The following DDX43 variants were observed in gnomAD, a reference collection of about 807,000 sequenced individuals.
The protein encoded by DDX43 is DEAD-box helicase 43.
DDX43 carries 50 observed loss-of-function variants against 84.9 expected under a neutral mutation model. The observed-to-expected ratio is 0.59, with a 90% CI of 0.47 to 0.75. The LOEUF is 0.75. Among genes scored for constraint, DDX43 ranks in the 30% least tolerant of loss-of-function variants. The probability of loss-of-function intolerance (pLI) is 0.00; values close to 1 mark genes in which losing one functional copy is unlikely to be tolerated. For synonymous variants in DDX43, 291 were observed against 266.3 expected, an observed-to-expected ratio of 1.09 and a Z score of -0.90; for missense variants, 689 against 798.6, an observed-to-expected ratio of 0.86 and a Z score of 1.65.
chr6:73,415,446 T>G (rs1480187394), intron 14 of DDX43, 51 bp from the exon 15 acceptor site: 1 of 1,316,142 alleles, frequency 7.6e-7, no homozygotes, highest in African/African-American at 1.5e-5. Context: ...TTTGTCTTAT[T>G]CTGTATTAAC....
At position 73,397,759 on chromosome 6, in the gene DDX43, T is replaced by G. The variant is rs967152253; in HGVS notation, c.306+15T>G. The G allele has an allele frequency of 1.2e-6, 2 of 1,612,034 alleles. No individual in the cohort carries two copies. The highest frequency in any genetic ancestry group is 1.7e-5 in the Admixed American group (1 of 59,970). On this transcript the variant is annotated intron_variant, in intron 2 of 16. Transcript: ENST00000370336. ...CCACAATCCAAGTAAGCCATCTGTG[T>G]TTTTCGGCCCTTAAGAGAGCATCAT...
chr6:73,413,533 C>A, intron 11 of DDX43, 125 bp from the exon 12 acceptor site: 1 of 898,668 alleles, frequency 1.1e-6, no homozygotes, highest in South Asian at 2.4e-5. Flanking sequence ...GGACGTCTGC[C>A]ATTTTGCTTA....
At chr6:73,410,518 C>T (rs938176774) in intron 10 of DDX43, among the ~76,000 whole-genome samples, 1 of 151,994 alleles carries the variant, frequency 6.6e-6, no homozygotes, top group African/African-American at 2.4e-5. Flanking sequence ...ACAAAGTGGT[C>T]ACTTTCATTA....
At chr6:73,406,513 T>C (rs1169494202) in intron 7 of DDX43, 31 bp downstream of exon 7, 2 of 1,389,658 alleles carry the variant, frequency 1.4e-6, no homozygotes, top group South Asian at 1.2e-5. Context: ...TTTCTTCTTA[T>C]AGAGGTTTAA....
In DDX43 at chr6:73,407,492, T is replaced by C. The variant is rs769165990; in HGVS notation, c.927-13T>C. On this transcript the variant is annotated splice_polypyrimidine_tract_variant and intron_variant, in intron 7 of 16. Transcript: ENST00000370336. ...GACAAGTAATTTAATATTAATCTGT[T>C]TTCTCTCCAAAGCCTTAAAGGTCAA... 6 of 1,549,070 alleles carry C rather than the reference T, an allele frequency of 3.9e-6. No individual in the cohort carries two copies. Among genetic ancestry groups the C allele is most frequent in the Non-Finnish European group, 5.3e-6 (6 of 1,125,036 alleles).
rs545701161 is a variant in DDX43, at chr6:73,395,086, G to A, written c.181G>A (p.Val61Met). The A allele has an allele frequency of 3.2e-5, 52 of 1,614,058 alleles. No individual in the cohort carries two copies. In the South Asian group the frequency reaches 5.0e-4, roughly 16 times the overall value. ...AGGCACCTCTAGGCCCCCGGAGGCC[G>A]TGGCCGCTGGTCACGAGGAACTGCC... ...WRGTSRPPEA[V>M]AAGHEELPLC... Residue 61 changes from valine to methionine, a missense_variant, in exon 1 of 17, where the codon GTG (valine) becomes ATG (methionine). By Grantham distance (21) the Val-to-Met change is conservative (BLOSUM62 1). This residue lies in a region of DDX43 where 137 missense variants were observed against 105.9 expected (regional missense o/e 1.29). Transcript: ENST00000370336.
intron 10 of DDX43, 65 bp from the exon 11 acceptor site, chr6:73,412,140 A>G (rs1020209775): frequency 5.0e-6 from 7 of 1,403,334 alleles, no homozygotes; most frequent in Admixed American, 2.0e-5. Flanking sequence ...GGTTCATAGC[A>G]TGCTTAAGGA....
chr6:73,413,675 G>A lies in DDX43; in HGVS notation c.1386G>A (p.Lys462=). 1 of 1,613,578 alleles carries A rather than the reference G, an allele frequency of 6.2e-7. No homozygotes were observed. The highest frequency in any genetic ancestry group is 2.2e-5 in the East Asian group (1 of 44,834). ...TCCTTTAGGCTGTAAGTTCAGTGAA[G>A]CAAAATATAATTGTAACCACCGAGG... ...TLDLVAVSSV[K]QNIIVTTEEE... is the part of the protein sequence containing the mutation. The change falls in exon 12 of 17, where the codon AAG becomes AAA. Residue 462 remains lysine (K), a synonymous_variant. Transcript: ENST00000370336.
At chr6:73,416,040 A>T in intron 15 of DDX43, 73 bp from the exon 16 acceptor site, 9 of 806,512 alleles carry the variant, frequency 1.1e-5, no homozygotes, top group Non-Finnish European at 1.9e-5. Context: ...GATTATCTGA[A>T]ATGATTTGGA....
chr6:73,408,321 G>A (rs1165678956), intron 9 of DDX43, among the ~76,000 whole-genome samples: 2 of 151,852 alleles, frequency 1.3e-5, no homozygotes, highest in African/African-American at 4.8e-5. Flanking sequence ...TGTAATCCCA[G>A]CTACTCTGGA....
At chr6:73,396,793 T>C (rs1274419118) in intron 1 of DDX43, among the ~76,000 whole-genome samples, 1 of 152,216 alleles carries the variant, frequency 6.6e-6, no homozygotes, top group Non-Finnish European at 1.5e-5. Flanking sequence ...TTACTTTAGG[T>C]AATCCATATA....
At chr6:73,405,873 T>C in intron 6 of DDX43, 38 bp downstream of exon 6, 1 of 1,588,992 alleles carries the variant, frequency 6.3e-7, no homozygotes, top group Non-Finnish European at 8.6e-7. Context: ...ACTCAATGTT[T>C]TTCTTCGAAA....
chr6:73,401,195 G>A (rs1769562259), intron 3 of DDX43, among the ~76,000 whole-genome samples: 1 of 152,098 alleles, frequency 6.6e-6, no homozygotes, highest in Non-Finnish European at 1.5e-5. Context: ...GCCTAGGCTA[G>A]TCTTGAGTCC....
chr6:73,412,674 C>T (rs1462141044), intron 11 of DDX43, among the ~76,000 whole-genome samples: 71 of 54,332 alleles, frequency 1.3e-3, no homozygotes, highest in South Asian at 3.8e-3. Flanking sequence ...TGTGTGCGCG[C>T]GCGCGTGTGT....
intron 4 of DDX43, 37 bp downstream of exon 4, chr6:73,402,027 C>T (rs1471165588): frequency 6.2e-7 from 1 of 1,608,616 alleles, no homozygotes; most frequent in Non-Finnish European, 8.5e-7. Context: ...TATATTGTTT[C>T]TGTTAACTGC....
In DDX43 at chr6:73,413,729, T is replaced by G; in HGVS notation, c.1440T>G (p.Phe480Leu). Reference protein sequence around the residue: ...EEEKWSHMQTFLQSMSSTDKV... With the variant: ...EEEKWSHMQTLLQSMSSTDKV... Reference sequence around the variant, plus strand: ...AGAAATGGAGTCACATGCAAACTTTTCTACAGAGTATGTCATCCACAGACA... The same window carrying G: ...AGAAATGGAGTCACATGCAAACTTTGCTACAGAGTATGTCATCCACAGACA... Residue 480 changes from phenylalanine (F) to leucine (L), a missense_variant, in exon 12 of 17, where the codon TTT becomes TTG. Physicochemically the swap from Phe to Leu is conservative, Grantham distance 22 (BLOSUM62 0). Around this residue, in one of 2 missense-constraint regions of DDX43, gnomAD observed 552 missense variants for 692.7 expected, o/e 0.80. Coordinates refer to ENST00000370336, the MANE Select transcript of DDX43 (RefSeq NM_018665.3). The G allele has an allele frequency of 6.2e-7, 1 of 1,614,008 alleles. No homozygotes were observed. The highest frequency in any genetic ancestry group is 1.7e-4 in the Middle Eastern group (1 of 6,060).
At chr6:73,404,506 A>G (rs1769636654) in intron 4 of DDX43, among the ~76,000 whole-genome samples, 184 bp from the exon 5 acceptor site, 1 of 152,220 alleles carries the variant, frequency 6.6e-6, no homozygotes. Flanking sequence ...GGTGTAAGCT[A>G]CTGTGCCTAA....
rs750207085 is a variant in DDX43 at position 73,413,769 on chromosome 6, G to A, written c.1480G>A (p.Val494Ile). The change falls in exon 12 of 17, where the codon GTT (valine) becomes ATT (isoleucine). Residue 494 changes from valine (V) to isoleucine (I), a missense_variant. By Grantham distance (29) the Val-to-Ile change is conservative. Coordinates refer to ENST00000370336, the MANE Select transcript of DDX43 (RefSeq NM_018665.3). ...MSSTDKVIVF[V>I]SRKAVADHLS... is the part of the protein sequence containing the mutation. The stretch of plus-strand genomic sequence containing the variant: ...ATCCACAGACAAAGTCATTGTCTTC[G>A]TTTCTCGAAAAGCTGTGTAGGTATT... 3.7e-6 allele frequency: 6 copies of A among 1,612,718 alleles called. No homozygotes were observed. Among genetic ancestry groups the A allele is most frequent in the Admixed American group, 3.3e-5 (2 of 59,722 alleles).
At position 73,417,377 on chromosome 6, in the gene DDX43, A is replaced by T. The variant is rs1769924342; in HGVS notation, c.*216A>T. 6.6e-6 allele frequency: 1 copy of T among 152,176 alleles called. No homozygotes were observed. The highest frequency in any genetic ancestry group is 1.5e-5 in the Non-Finnish European group (1 of 68,026). 9.4% of individuals were successfully genotyped at this position (152,176 alleles called of 1,614,324 possible). On this transcript the variant is annotated 3_prime_UTR_variant, in exon 17 of 17. Coordinates refer to ENST00000370336, the MANE Select transcript of DDX43 (RefSeq NM_018665.3). ...GTTGTTTCCTGGATTTTTATTAAGGAGTGTAGCATTAGAATGTTTTTCTTT... is the reference window on the plus strand; with the variant it reads ...GTTGTTTCCTGGATTTTTATTAAGGTGTGTAGCATTAGAATGTTTTTCTTT...
Sources: gnomAD v4.1 joint callset for allele counts (sites outside exome capture counted in the v4.1 genomes callset) on GRCh38, gnomAD v4.1.1 for gene constraint, gnomAD v4.1.1 regional missense constraint, MANE v1.5 for transcripts, NCBI Gene and HGNC (gene_info 2026-07-23, HGNC 2026-07-21) for gene names.